KLHL32: variants seen among roughly 807,000 people sequenced by gnomAD.
KLHL32 encodes the protein kelch-like protein 32.
A neutral mutation model predicts 64.8 loss-of-function variants in KLHL32; 35 were observed. That is an observed-to-expected ratio of 0.54 (90% confidence interval 0.41 to 0.72). The LOEUF (loss-of-function observed/expected upper bound fraction) is 0.72, where lower values mean the gene tolerates loss of function less well. Among genes scored for constraint, KLHL32 ranks in the 30% least tolerant of loss-of-function variants. KLHL32 has a pLI of 0.00. For synonymous variants in KLHL32, 259 were observed against 281.0 expected (o/e 0.92, Z 0.78); for missense variants, 589 against 768.5 (o/e 0.77, Z 2.76).
chr6:97,006,584 T>C (rs1779694691), intron 3 of KLHL32, among the ~76,000 whole-genome samples: 1 of 152,180 alleles, frequency 6.6e-6, no homozygotes, highest in Non-Finnish European at 1.5e-5. Context: ...GACTTGATTG[T>C]GTAGTTGCTC....
intron 1 of KLHL32, among the ~76,000 whole-genome samples, chr6:96,964,039 G>A (rs144161772): frequency 1.3e-5 from 2 of 152,332 alleles, no homozygotes; most frequent in Non-Finnish European, 2.9e-5. Context: ...GATAAATGCA[G>A]TTCTATCTCT....
At chr6:97,121,037 C>A (rs1217861688) in intron 7 of KLHL32, among the ~76,000 whole-genome samples, 1 of 152,156 alleles carries the variant, frequency 6.6e-6, no homozygotes, top group African/African-American at 2.4e-5. Flanking sequence ...GCAATCAGAT[C>A]ACCTACATTC....
At chr6:97,084,628 A>T (rs974632672) in intron 5 of KLHL32, among the ~76,000 whole-genome samples, 2 of 152,180 alleles carry the variant, frequency 1.3e-5, no homozygotes, top group Non-Finnish European at 2.9e-5. Context: ...TTAAGACAGG[A>T]TGGGTTGTTT....
upstream of KLHL32, among the ~76,000 whole-genome samples, chr6:96,922,707 A>G (rs1582340293): frequency 2.0e-5 from 3 of 152,244 alleles, no homozygotes; most frequent in Non-Finnish European, 4.4e-5. Flanking sequence ...TTTTCTTAAT[A>G]AGGAGAAAGA....
At chr6:97,085,444 CT>C in intron 6 of KLHL32, 103 bp downstream of exon 6, 1 of 969,850 alleles carries the variant, frequency 1.0e-6, no homozygotes, top group South Asian at 1.5e-5. Flanking sequence ...GGCTTTGGTC[CT>C]CATGGAGTTG....
intron 4 of KLHL32, among the ~76,000 whole-genome samples, chr6:97,057,541 T>A (rs988695738): frequency 1.9e-4 from 29 of 149,886 alleles, no homozygotes; most frequent in Non-Finnish European, 3.5e-4. Flanking sequence ...TCCGCTCAGA[T>A]CTTTTACACC....
chr6:96,916,696 C>T, the KLHL32 span, among the ~76,000 whole-genome samples: 1 of 152,160 alleles, frequency 6.6e-6, no homozygotes, highest in Non-Finnish European at 1.5e-5. Flanking sequence ...TTCTGTTAAT[C>T]TGTATTTTGC....
intron 4 of KLHL32, among the ~76,000 whole-genome samples, chr6:97,053,889 C>A (rs952828400): frequency 6.6e-6 from 1 of 152,018 alleles, no homozygotes; most frequent in Non-Finnish European, 1.5e-5. Context: ...ACATACACTA[C>A]AAAATACATA....
chr6:96,944,182 A>G (rs993998302), intron 1 of KLHL32, among the ~76,000 whole-genome samples: 1 of 152,208 alleles, frequency 6.6e-6, no homozygotes, highest in Non-Finnish European at 1.5e-5. Flanking sequence ...TCATGCTGAC[A>G]CCAGTAATAT....
At chr6:96,970,339 G>T (rs191646988) in intron 2 of KLHL32, among the ~76,000 whole-genome samples, 5 of 152,144 alleles carry the variant, frequency 3.3e-5, no homozygotes, top group African/African-American at 7.2e-5. Context: ...TACCTGCACC[G>T]TGTTCTCCTT....
rs116284554 is a variant in KLHL32 at position 96,977,888 on chromosome 6, G to T, written c.204+1711G>T. 9.1e-3 allele frequency among the ~76,000 whole-genome samples: 1,379 copies of T among 152,266 alleles called. 29 individuals are homozygous for T. The highest frequency in any genetic ancestry group is 0.032 in the African/African-American group (1,323 of 41,554). On this transcript the variant is annotated intron_variant, in intron 3 of 10. Transcript: ENST00000369261. ...GGATTTAATTCTAAACTACAAAGAT[G>T]ATACAGAGTATCTGTAAAGTGGCCT...
At chr6:96,932,305 T>G (rs1355108984) in intron 1 of KLHL32, among the ~76,000 whole-genome samples, 2 of 151,900 alleles carry the variant, frequency 1.3e-5, no homozygotes, top group African/African-American at 4.8e-5. Context: ...GATTTAATTT[T>G]GCCATAGCTT....
intron 6 of KLHL32, among the ~76,000 whole-genome samples, chr6:97,090,909 A>G (rs1004920173): frequency 2.0e-5 from 3 of 152,248 alleles, no homozygotes; most frequent in Non-Finnish European, 2.9e-5. Flanking sequence ...AATTAATCCT[A>G]TGACTTTAAC....
intron 1 of KLHL32, among the ~76,000 whole-genome samples, chr6:96,956,733 A>G (rs141010099): frequency 6.6e-6 from 1 of 152,206 alleles, no homozygotes; most frequent in African/African-American, 2.4e-5. Flanking sequence ...AAAAAAGCTC[A>G]TTTAATTCTT....
chr6:97,137,996 A>G (rs994605289), intron 10 of KLHL32, among the ~76,000 whole-genome samples: 1 of 152,250 alleles, frequency 6.6e-6, no homozygotes, highest in African/African-American at 2.4e-5. Flanking sequence ...GTGGATTGCA[A>G]TATGATAATG....
intron 3 of KLHL32, among the ~76,000 whole-genome samples, chr6:97,001,696 T>G (rs927724749): frequency 2.0e-5 from 3 of 152,172 alleles, no homozygotes; most frequent in African/African-American, 4.8e-5. Context: ...AACTATTAGG[T>G]TGTAAAAACA....
At chr6:97,076,115 G>A (rs1368175970) in intron 5 of KLHL32, among the ~76,000 whole-genome samples, 1 of 152,080 alleles carries the variant, frequency 6.6e-6, no homozygotes, top group African/African-American at 2.4e-5. Context: ...GTATATTATA[G>A]TAATACATAC....
At chr6:97,078,062 G>A (rs1279596608) in intron 5 of KLHL32, among the ~76,000 whole-genome samples, 1 of 152,046 alleles carries the variant, frequency 6.6e-6, no homozygotes, top group Admixed American at 6.6e-5. Context: ...CTTGCTACTT[G>A]GTCCTTATAA....
At chr6:96,934,783 G>T (rs942568508) in intron 1 of KLHL32, among the ~76,000 whole-genome samples, 1 of 152,174 alleles carries the variant, frequency 6.6e-6, no homozygotes, top group Non-Finnish European at 1.5e-5. Context: ...TTAGAGCATT[G>T]ATAGTGATTA....
Sources: allele counts gnomAD v4.1 joint callset (sites outside exome capture counted in the v4.1 genomes callset), GRCh38; gene constraint gnomAD v4.1.1; transcripts MANE v1.5; gene names NCBI Gene and HGNC (gene_info 2026-07-23, HGNC 2026-07-21).